Variants in RNF220 observed in about 807,000 individuals in gnomAD.
RNF220 encodes the protein ring finger protein 220.
In RNF220, 7 loss-of-function variants were observed where a neutral mutation model predicts 67.1. The ratio of observed to expected loss-of-function variants is 0.10; its 90% CI spans 0.06 to 0.20. The LOEUF is 0.20. Among genes scored for constraint, RNF220 ranks in the 10% least tolerant of loss-of-function variants. The pLI is 1.00. For missense variants in RNF220, 565 were observed against 740.3 expected (o/e 0.76, Z 2.75); for synonymous variants, 270 against 283.2 (o/e 0.95, Z 0.47).
intron 2 of RNF220, among the ~76,000 whole-genome samples, chr1:44,424,253 G>A (rs918495696): frequency 2.6e-5 from 4 of 152,216 alleles, no homozygotes; most frequent in African/African-American, 9.6e-5. Flanking sequence ...GGCTTTCCCA[G>A]AATGTGATCT....
At chr1:44,595,292 C>G (rs1368713096) in intron 2 of RNF220, among the ~76,000 whole-genome samples, 1 of 152,210 alleles carries the variant, frequency 6.6e-6, no homozygotes, top group African/African-American at 2.4e-5. Context: ...AACACCCCCT[C>G]CCAGTGCTGG....
At position 44,487,406 on chromosome 1, in the gene RNF220, C is replaced by T. The variant is rs1656409340; in HGVS notation, c.625+74684C>T. 1.3e-5 allele frequency among the ~76,000 whole-genome samples: 2 copies of T among 150,968 alleles called. 1 individual carries two copies. Among genetic ancestry groups the T allele is most frequent in the South Asian group, 4.2e-4 (2 of 4,796 alleles). ...AAATAAAATAAAATGGTGGTTGCTG[C>T]AACAGAAGTAAGGACTATACCCTGA... On this transcript the variant is annotated intron_variant, in intron 2 of 14. Coordinates refer to ENST00000361799, the MANE Select transcript of RNF220 (RefSeq NM_018150.4).
chr1:44,559,132 C>A (rs1428940269), intron 2 of RNF220, among the ~76,000 whole-genome samples: 1 of 152,248 alleles, frequency 6.6e-6, no homozygotes, highest in Non-Finnish European at 1.5e-5. Context: ...CAGAACCTCA[C>A]TTGCTTTCTA....
At chr1:44,413,733 C>T (rs1416332947) in intron 2 of RNF220, among the ~76,000 whole-genome samples, 2 of 152,068 alleles carry the variant, frequency 1.3e-5, no homozygotes, top group African/African-American at 2.4e-5. Context: ...TGAGGTTTGC[C>T]TTCCACTTTT....
chr1:44,592,738 T>C (rs938802829), intron 2 of RNF220, among the ~76,000 whole-genome samples: 1 of 152,180 alleles, frequency 6.6e-6, no homozygotes, highest in African/African-American at 2.4e-5. Flanking sequence ...AAGACTCGGA[T>C]GGGTTACAGC....
chr1:44,416,546 C>G (rs1557903478), intron 2 of RNF220, among the ~76,000 whole-genome samples: 1 of 152,244 alleles, frequency 6.6e-6, no homozygotes, highest in Non-Finnish European at 1.5e-5. Context: ...GCCTGTGTGA[C>G]ACAGTCTTTG....
chr1:44,467,696 T>C (rs565884808), intron 2 of RNF220, among the ~76,000 whole-genome samples: 14 of 148,080 alleles, frequency 9.5e-5, no homozygotes, highest in African/African-American at 3.6e-4. Context: ...ATTCATGTGT[T>C]CACTAGCATA....
chr1:44,519,106 G>A (rs1034147311), intron 2 of RNF220, among the ~76,000 whole-genome samples: 1 of 149,444 alleles, frequency 6.7e-6, no homozygotes, highest in African/African-American at 2.5e-5. Context: ...GAGCAGATTT[G>A]TTGGCTGGGT....
intron 2 of RNF220, among the ~76,000 whole-genome samples, chr1:44,481,735 A>G (rs1170016153): frequency 1.3e-5 from 2 of 152,256 alleles, no homozygotes; most frequent in African/African-American, 4.8e-5. Context: ...GAGGATGTGG[A>G]ATCAAGAGAG....
At chr1:44,631,817 G>C in intron 5 of RNF220, 1 of 778,864 alleles carries the variant, frequency 1.3e-6, no homozygotes, top group South Asian at 5.8e-5. Flanking sequence ...GATTGGGTGG[G>C]TAGGCTTCAC....
At chr1:44,432,363 C>G (rs1179295741) in intron 2 of RNF220, among the ~76,000 whole-genome samples, 1 of 151,798 alleles carries the variant, frequency 6.6e-6, no homozygotes, top group East Asian at 1.9e-4. Context: ...CTCCACCCCC[C>G]AGGTTCAAGT....
intron 2 of RNF220, among the ~76,000 whole-genome samples, chr1:44,520,180 G>A (rs966092460): frequency 2.0e-5 from 3 of 149,888 alleles, no homozygotes; most frequent in Non-Finnish European, 4.4e-5. Context: ...CATGAGTCTC[G>A]GGCTGGGCGC....
At chr1:44,451,546 T>C (rs906341701) in intron 2 of RNF220, among the ~76,000 whole-genome samples, 8 of 152,226 alleles carry the variant, frequency 5.3e-5, no homozygotes, top group African/African-American at 1.9e-4. Flanking sequence ...CAAATATTTT[T>C]TCCTGGTCTA....
At chr1:44,616,037 GC>G (rs1643532344) in intron 3 of RNF220, among the ~76,000 whole-genome samples, 2 of 152,144 alleles carry the variant, frequency 1.3e-5, no homozygotes, top group Admixed American at 1.3e-4. Context: ...TTGGCAGGAG[GC>G]CTCAGTTCCC....
At chr1:44,536,826 A>G (rs1001579768) in intron 2 of RNF220, among the ~76,000 whole-genome samples, 3 of 152,194 alleles carry the variant, frequency 2.0e-5, no homozygotes, top group Non-Finnish European at 4.4e-5. Flanking sequence ...ATAACGTTTT[A>G]TGGTTGTTTC....
chr1:44,577,980 A>AT (rs1171340028), intron 2 of RNF220, among the ~76,000 whole-genome samples: 1 of 150,460 alleles, frequency 6.6e-6, no homozygotes, highest in Admixed American at 6.6e-5. Flanking sequence ...TAATTTTTAG[A>AT]TTTTTTGTAG....
intron 2 of RNF220, among the ~76,000 whole-genome samples, chr1:44,421,842 G>A (rs1284507683): frequency 2.0e-5 from 3 of 152,136 alleles, no homozygotes; most frequent in Admixed American, 2.0e-4. Context: ...GACTGACCCT[G>A]TGCCTGAGGA....
chr1:44,506,063 G>A (rs1256226193), intron 2 of RNF220, among the ~76,000 whole-genome samples: 2 of 152,136 alleles, frequency 1.3e-5, no homozygotes, highest in East Asian at 3.9e-4. Flanking sequence ...CAGCAAACAA[G>A]ACAAAACAAA....
chr1:44,437,107 G>A (rs1305668803), intron 2 of RNF220, among the ~76,000 whole-genome samples: 4 of 152,216 alleles, frequency 2.6e-5, no homozygotes, highest in Non-Finnish European at 5.9e-5. Flanking sequence ...AGAGAAGTAA[G>A]TATTTAGAAG....
Sources: gnomAD v4.1 joint callset for allele counts (sites outside exome capture counted in the v4.1 genomes callset) on GRCh38, gnomAD v4.1.1 for gene constraint, MANE v1.5 for transcripts, NCBI Gene and HGNC (gene_info 2026-07-23, HGNC 2026-07-21) for gene names.